The following DAB1 variants were observed in gnomAD, a reference collection of about 807,000 sequenced individuals.
DAB1 encodes DAB adaptor protein 1.
DAB1 carries 15 observed loss-of-function variants against 64.6 expected under a neutral mutation model. The ratio of observed to expected loss-of-function variants is 0.23; its 90% CI spans 0.16 to 0.36. The LOEUF (loss-of-function observed/expected upper bound fraction) is 0.36. Among genes scored for constraint, DAB1 ranks in the 10% least tolerant of loss-of-function variants. The pLI is 1.00. For synonymous variants in DAB1, 235 were observed against 251.9 expected (o/e 0.93, Z 0.64); for missense variants, 596 against 706.7 (o/e 0.84, Z 1.78).
chr1:57,596,678 T>A (rs1443827919), intron 7 of DAB1, among the ~76,000 whole-genome samples: 3 of 152,122 alleles, frequency 2.0e-5, no homozygotes, highest in Non-Finnish European at 4.4e-5. Context: ...AAGAAAAAAA[T>A]GAAGAAAGGA....
chr1:58,062,906 A>C (rs1648592871), intron 5 of DAB1, among the ~76,000 whole-genome samples: 2 of 152,242 alleles, frequency 1.3e-5, no homozygotes, highest in Admixed American at 1.3e-4. Context: ...TGACTGATAG[A>C]GCTGAAAAGT....
At chr1:57,703,848 T>C (rs1646935300) in intron 6 of DAB1, among the ~76,000 whole-genome samples, 1 of 152,180 alleles carries the variant, frequency 6.6e-6, no homozygotes, top group Non-Finnish European at 1.5e-5. Flanking sequence ...TGGAATACTA[T>C]GCAGCCATAA....
At chr1:58,300,602 AAGAAAGAAAGAGAGAGAGAG>A (rs1236756793) in intron 4 of DAB1, among the ~76,000 whole-genome samples, 98 of 39,284 alleles carry the variant, frequency 2.5e-3, no homozygotes, top group Middle Eastern at 0.011. Flanking sequence ...GAAAGAAAGA[AAGAAAGAAAGAGAGAGAGAG>A]AGAGAGAGAG....
intron 7 of DAB1, among the ~76,000 whole-genome samples, chr1:57,576,470 G>A (rs545079102): frequency 3.9e-5 from 6 of 152,288 alleles, no homozygotes; most frequent in African/African-American, 9.6e-5. Flanking sequence ...GGGAGAAGAC[G>A]ACCATGTGAA....
chr1:57,008,330 C>T (rs1646154756), intron 14 of DAB1, among the ~76,000 whole-genome samples: 1 of 152,116 alleles, frequency 6.6e-6, no homozygotes, highest in Admixed American at 6.5e-5. Context: ...AAAGCAAAAC[C>T]TCCCAACCAA....
chr1:58,121,864 C>A (rs1470773122), intron 5 of DAB1, among the ~76,000 whole-genome samples: 1 of 152,164 alleles, frequency 6.6e-6, no homozygotes, highest in Non-Finnish European at 1.5e-5. Flanking sequence ...CTTCTCACTC[C>A]TTTCCTTGCC....
At chr1:58,536,613 T>C (rs1191119806) in intron 1 of DAB1, 1 of 872,816 alleles carries the variant, frequency 1.1e-6, no homozygotes, top group Non-Finnish European at 2.0e-6. Context: ...GTGAGTAAAA[T>C]AAAACACCAC....
intron 5 of DAB1, among the ~76,000 whole-genome samples, chr1:58,031,081 A>G (rs1646963061): frequency 6.6e-6 from 1 of 152,192 alleles, no homozygotes; most frequent in Admixed American, 6.5e-5. Context: ...AAGGTTGAGC[A>G]CAATTTGGGC....
At chr1:58,113,523 CA>C (rs528108602) in intron 5 of DAB1, among the ~76,000 whole-genome samples, 1 of 151,710 alleles carries the variant, frequency 6.6e-6, no homozygotes, top group African/African-American at 2.4e-5. Flanking sequence ...GCACAAATGG[CA>C]AAAAAAACTT....
intron 2 of DAB1, among the ~76,000 whole-genome samples, chr1:57,164,000 T>C (rs1661005569): frequency 6.6e-6 from 1 of 152,172 alleles, no homozygotes; most frequent in Admixed American, 6.5e-5. Context: ...GGTCCAGTCT[T>C]GATTAAGTTT....
At chr1:58,301,786 G>A (rs980117463) in intron 4 of DAB1, among the ~76,000 whole-genome samples, 5 of 152,058 alleles carry the variant, frequency 3.3e-5, no homozygotes, top group African/African-American at 1.2e-4. Context: ...TATTAGCTCT[G>A]TAACTTTGGA....
chr1:58,411,692 T>G (rs1428650261), intron 3 of DAB1, among the ~76,000 whole-genome samples: 1 of 152,178 alleles, frequency 6.6e-6, no homozygotes, highest in Non-Finnish European at 1.5e-5. Flanking sequence ...TCAGCATAGC[T>G]GGAGTAGAGA....
intron 5 of DAB1, among the ~76,000 whole-genome samples, chr1:58,131,348 T>C (rs894765089): frequency 7.1e-6 from 1 of 141,062 alleles, no homozygotes; most frequent in African/African-American, 2.5e-5. Flanking sequence ...TTATTCTAGT[T>C]ATACATTCTT....
chr1:58,005,852 C>T (rs1445860343), intron 5 of DAB1, among the ~76,000 whole-genome samples: 1 of 152,086 alleles, frequency 6.6e-6, no homozygotes, highest in Non-Finnish European at 1.5e-5. Context: ...ATATTTAATT[C>T]TTACAACAAC....
intron 5 of DAB1, among the ~76,000 whole-genome samples, chr1:58,041,924 C>T (rs1415266772): frequency 6.6e-6 from 1 of 152,226 alleles, no homozygotes. Context: ...TCCCCAACAC[C>T]AACCTCTCAG....
At chr1:57,861,318 G>C (rs1336024871) in intron 1 of DAB1, among the ~76,000 whole-genome samples, 1 of 152,208 alleles carries the variant, frequency 6.6e-6, no homozygotes, top group East Asian at 1.9e-4. Flanking sequence ...AGTTCAGGAG[G>C]CTGGAAGCCT....
intron 4 of DAB1, among the ~76,000 whole-genome samples, chr1:58,178,403 T>TTA (rs1557683805): frequency 6.6e-6 from 1 of 152,210 alleles, no homozygotes. Flanking sequence ...TAATCTCTAA[T>TTA]ATCTCTGAAC....
chr1:57,645,617 TCCAGAC>T (rs1340628662), intron 7 of DAB1, among the ~76,000 whole-genome samples: 1 of 152,208 alleles, frequency 6.6e-6, no homozygotes, highest in Non-Finnish European at 1.5e-5. Flanking sequence ...TGTGTAATGT[TCCAGAC>T]CCTTTCACAT....
chr1:58,505,979 T>G (rs1341089367), intron 3 of DAB1: 1 of 743,928 alleles, frequency 1.3e-6, no homozygotes, highest in Non-Finnish European at 2.4e-6. Context: ...GAACTCTCTT[T>G]TACTAAGCAA....
Sources: allele counts gnomAD v4.1 joint callset (sites outside exome capture counted in the v4.1 genomes callset), GRCh38; gene constraint gnomAD v4.1.1; transcripts MANE v1.5; gene names NCBI Gene and HGNC (gene_info 2026-07-23, HGNC 2026-07-21).